TENT5D: variants seen among roughly 807,000 people sequenced by gnomAD.
TENT5D encodes cancer/testis antigen 112.
For synonymous variants in TENT5D, 103 were observed against 100.6 expected (o/e 1.02, Z -0.15); for missense variants, 191 against 287.0 (o/e 0.67, Z 2.42).
At chrX:80,398,273 T>A (rs1228224716) in intron 3 of TENT5D, among the ~76,000 whole-genome samples, 4 of 112,181 alleles carry the variant, frequency 3.6e-5, no homozygotes, top group Non-Finnish European at 7.5e-5. Flanking sequence ...GTTGAGATAT[T>A]TGAGTTCATT....
intron 3 of TENT5D, among the ~76,000 whole-genome samples, chrX:80,407,837 C>A (rs1260728914): frequency 9.4e-6 from 1 of 106,499 alleles, no homozygotes; most frequent in Non-Finnish European, 1.9e-5. Flanking sequence ...CCAAAATTGA[C>A]CACATAGTTG....
chrX:80,417,508 A>G (rs1322667068), upstream of TENT5D, among the ~76,000 whole-genome samples: 1 of 109,201 alleles, frequency 9.2e-6, no homozygotes, highest in Non-Finnish European at 1.9e-5. Flanking sequence ...TGTGGTGGTA[A>G]TAAATTCCTT....
intron 3 of TENT5D, among the ~76,000 whole-genome samples, chrX:80,395,487 G>C (rs1423474965): frequency 1.8e-5 from 2 of 111,866 alleles, no homozygotes; most frequent in Non-Finnish European, 3.8e-5. Flanking sequence ...CTCACCAACA[G>C]TGTGTGTTTC....
At chrX:80,398,517 T>C (rs1931330957) in intron 3 of TENT5D, among the ~76,000 whole-genome samples, 1 of 111,853 alleles carries the variant, frequency 8.9e-6, no homozygotes. Context: ...CTGTGTTTTC[T>C]TTCAGTCGTT....
chrX:80,351,652 A>G (rs1366533310), intron 3 of TENT5D, among the ~76,000 whole-genome samples: 1 of 109,593 alleles, frequency 9.1e-6, no homozygotes, highest in African/African-American at 3.3e-5. Flanking sequence ...ACTTCTGTCA[A>G]CTCATCAAAC....
At chrX:80,397,802 G>T (rs1007471537) in intron 3 of TENT5D, among the ~76,000 whole-genome samples, 1 of 112,236 alleles carries the variant, frequency 8.9e-6, no homozygotes, top group African/African-American at 3.2e-5. Context: ...GGCGGCGCGC[G>T]CCTGCAATCG....
chrX:80,361,947 CA>C (rs1398614419), intron 3 of TENT5D, among the ~76,000 whole-genome samples: 1 of 111,017 alleles, frequency 9.0e-6, no homozygotes, highest in Non-Finnish European at 1.9e-5. Context: ...GCATAGTACC[CA>C]ATAGGAAGTT....
intron 3 of TENT5D, among the ~76,000 whole-genome samples, chrX:80,379,036 G>A (rs772786228): frequency 5.6e-5 from 6 of 106,440 alleles, no homozygotes; most frequent in African/African-American, 1.0e-4. Context: ...TTTGAGATAC[G>A]TTCCATCAAT....
At chrX:80,378,471 A>G (rs1260690967) in intron 3 of TENT5D, among the ~76,000 whole-genome samples, 3 of 107,969 alleles carry the variant, frequency 2.8e-5, no homozygotes, top group Non-Finnish European at 5.9e-5. Context: ...CCAGTTTTCC[A>G]TTTTTTTAAA....
chrX:80,442,751 T>C, exon 3 of TENT5D: 2 of 1,210,892 alleles, frequency 1.7e-6, no homozygotes, highest in Non-Finnish European at 1.1e-6. Flanking sequence ...GCAAGTTACA[T>C]ACTTGCAAGC....
rs1270738056 is a variant in TENT5D at position 80,421,690 on chromosome X, T to A, written c.-142+1127T>A. ...AGAATGCCATTATCATTCACCCTTT[T>A]TCTCCTATGAAAATTAACTGCAGAT... On this transcript the variant is annotated intron_variant, in intron 1 of 2. Transcript: ENST00000308293. Among the ~76,000 whole-genome samples, 5 of 112,188 alleles carry A rather than the reference T, an allele frequency of 4.5e-5. No homozygotes were observed. The Admixed American group carries it at 4.7e-4, about 11-fold the overall frequency.
chrX:80,386,103 G>A (rs1345310620), intron 3 of TENT5D, among the ~76,000 whole-genome samples: 3 of 112,131 alleles, frequency 2.7e-5, no homozygotes, highest in Non-Finnish European at 5.6e-5. Flanking sequence ...AAATCATGCT[G>A]CTATAAAGAC....
chrX:80,355,470 C>T (rs1431996309), intron 3 of TENT5D, among the ~76,000 whole-genome samples: 1 of 111,557 alleles, frequency 9.0e-6, no homozygotes, highest in Non-Finnish European at 1.9e-5. Flanking sequence ...AGATGGTTGC[C>T]TATGGCCATG....
Position 80,341,882 on chromosome X carries a change from T to G in TENT5D, c.-206-618T>G, listed in dbSNP as rs956945858. On this transcript the variant is annotated intron_variant, in intron 2 of 4. Coordinates refer to the TENT5D transcript ENST00000538312. ...GCCCGCTACCACGCCCGGCTAATTT[T>G]TTGTATTTTTAGTAGAGACGGGGTT... Among the ~76,000 whole-genome samples, 46 of 106,435 alleles carry G rather than the reference T, an allele frequency of 4.3e-4. 1 individual carries two copies. Among genetic ancestry groups the G allele is most frequent in the Non-Finnish European group, 8.3e-4 (43 of 51,574 alleles). The allele number at this position is 106,435 out of a possible 115,157, so 92.4% of individuals were successfully genotyped here. A position where few individuals can be genotyped will look rare whatever the true frequency, so the allele number is the denominator to read the frequency against.
chrX:80,385,946 A>G (rs951773121), intron 3 of TENT5D, among the ~76,000 whole-genome samples: 34 of 112,076 alleles, frequency 3.0e-4, no homozygotes, highest in Non-Finnish European at 5.8e-4. Context: ...AGGATGTGGA[A>G]AAATAGGAAC....
chrX:80,376,919 A>C (rs1444279117), intron 3 of TENT5D, among the ~76,000 whole-genome samples: 1 of 111,516 alleles, frequency 9.0e-6, no homozygotes, highest in Non-Finnish European at 1.9e-5. Flanking sequence ...AATTCAAGAT[A>C]TGTTAAGAAT....
At chrX:80,351,951 A>G (rs764935863) in intron 3 of TENT5D, among the ~76,000 whole-genome samples, 117 of 111,921 alleles carry the variant, frequency 1.0e-3, no homozygotes, top group African/African-American at 3.6e-3. Context: ...TCTAGACCCT[A>G]TTTGCTTGGG....
At chrX:80,374,503 T>C (rs749478546) in intron 3 of TENT5D, among the ~76,000 whole-genome samples, 1 of 110,616 alleles carries the variant, frequency 9.0e-6, no homozygotes, top group African/African-American at 3.3e-5. Flanking sequence ...TGCCAGCACT[T>C]GTTTGGTGAT....
At chrX:80,442,713 T>G (rs778169833) in exon 3 of TENT5D, 1 of 1,211,285 alleles carries the variant, frequency 8.3e-7, no homozygotes, top group Non-Finnish European at 1.1e-6. Context: ...GAATTATTGT[T>G]AAAGATGCCA....
Sources: allele counts gnomAD v4.1 joint callset (sites outside exome capture counted in the v4.1 genomes callset), GRCh38; gene constraint gnomAD v4.1.1; transcripts MANE v1.5; gene names NCBI Gene and HGNC (gene_info 2026-07-23, HGNC 2026-07-21).